SCIN: variants seen among roughly 807,000 people sequenced by gnomAD.
The protein encoded by SCIN is scinderin, also known as adseverin.
SCIN carries 91 observed loss-of-function variants against 91.8 expected under a neutral mutation model. That is an observed-to-expected ratio of 0.99 (90% CI 0.84 to 1.18). The LOEUF is 1.18. Ranked by LOEUF, SCIN falls within the 50% of genes most tolerant of loss-of-function variation. The pLI is 0.00. For synonymous variants in SCIN, 367 were observed against 312.6 expected (o/e 1.17, Z -1.84); for missense variants, 1,087 against 863.9 (o/e 1.26, Z -3.24).
At chr7:12,581,893 CTT>C (rs1782494954) in intron 3 of SCIN, among the ~76,000 whole-genome samples, 1 of 152,152 alleles carries the variant, frequency 6.6e-6, no homozygotes, top group South Asian at 2.1e-4. Flanking sequence ...GTCTTTAAAA[CTT>C]TGTGAAGTTT....
chr7:12,609,159 C>G (rs982683444), intron 4 of SCIN, among the ~76,000 whole-genome samples: 6 of 152,150 alleles, frequency 3.9e-5, no homozygotes, highest in Non-Finnish European at 8.8e-5. Context: ...GGAGATAGGA[C>G]ACAACCATCA....
chr7:12,630,451 C>G (rs975447091), intron 9 of SCIN, among the ~76,000 whole-genome samples: 2 of 152,180 alleles, frequency 1.3e-5, no homozygotes, highest in Non-Finnish European at 2.9e-5. Flanking sequence ...CTCATAAATC[C>G]AAATGCTGTC....
chr7:12,604,296 G>A (rs1025215329), intron 3 of SCIN, among the ~76,000 whole-genome samples: 2 of 151,904 alleles, frequency 1.3e-5, no homozygotes, highest in African/African-American at 4.8e-5. Flanking sequence ...AGAGAATGGT[G>A]ATATATATAT....
intron 4 of SCIN, among the ~76,000 whole-genome samples, chr7:12,620,359 A>G (rs1236195743): frequency 6.6e-6 from 1 of 151,932 alleles, no homozygotes; most frequent in African/African-American, 2.4e-5. Context: ...CATTTCCTCT[A>G]TTTTTCAGCC....
rs956645991 is a variant in SCIN at position 12,657,945 on chromosome 7, A to T, written c.*5230A>T. On this transcript the variant is annotated 3_prime_UTR_variant, in exon 16 of 16. Transcript: ENST00000297029. ...AAATTGATGCTTTAATTTAGTTAACATGACAAACTCCATCTTATTTAGAGA... is the reference window on the plus strand; with the variant it reads ...AAATTGATGCTTTAATTTAGTTAACTTGACAAACTCCATCTTATTTAGAGA... The T allele has an allele frequency of 5.9e-5, 9 of 152,154 alleles. No individual in the cohort carries two copies. Among genetic ancestry groups the T allele is most frequent in the African/African-American group, 2.2e-4 (9 of 41,436 alleles). The allele number at this position is 152,154 out of a possible 1,614,324, so 9.4% of individuals were successfully genotyped here.
chr7:12,592,642 C>A (rs1338499752), intron 3 of SCIN, among the ~76,000 whole-genome samples: 4 of 151,864 alleles, frequency 2.6e-5, no homozygotes, highest in African/African-American at 9.7e-5. Context: ...GAAGCTTTGA[C>A]TTTGGCTAAA....
At chr7:12,625,214 A>AT in intron 6 of SCIN, 72 bp downstream of exon 6, 1 of 1,304,242 alleles carries the variant, frequency 7.7e-7, no homozygotes, top group Non-Finnish European at 1.0e-6. Context: ...AATAAAATAT[A>AT]TTTTTTGATT....
At chr7:12,636,757 T>C (rs1171413397) in intron 10 of SCIN, among the ~76,000 whole-genome samples, 2 of 152,180 alleles carry the variant, frequency 1.3e-5, no homozygotes, top group African/African-American at 4.8e-5. Context: ...TTACATATTA[T>C]GTAGTTGCAA....
chr7:12,596,321 C>T (rs1427195677), intron 3 of SCIN: 2 of 455,662 alleles, frequency 4.4e-6, no homozygotes, highest in East Asian at 1.4e-4. Flanking sequence ...TCTTGCACAT[C>T]CCCAAGAAGT....
At chr7:12,640,227 C>G in intron 10 of SCIN, 120 bp from the exon 11 acceptor site, 1 of 844,502 alleles carries the variant, frequency 1.2e-6, no homozygotes. Context: ...TCCTCCTGCT[C>G]TTGACTTTTT....
intron 4 of SCIN, among the ~76,000 whole-genome samples, chr7:12,609,129 A>G (rs748901583): frequency 6.6e-6 from 1 of 152,182 alleles, no homozygotes; most frequent in Non-Finnish European, 1.5e-5. Flanking sequence ...AGCACATTGT[A>G]GAGTAAAAGG....
At chr7:12,576,080 C>T (rs1169718097) in intron 1 of SCIN, among the ~76,000 whole-genome samples, 1 of 152,168 alleles carries the variant, frequency 6.6e-6, no homozygotes, top group African/African-American at 2.4e-5. Flanking sequence ...AACCTGTAGT[C>T]AGGTAAGGAC....
At position 12,655,064 on chromosome 7, in the gene SCIN, C is replaced by A. The variant is rs1388973466; in HGVS notation, c.*2349C>A. 1 of 152,150 alleles carries A rather than the reference C, an allele frequency of 6.6e-6. No individual in the cohort carries two copies. The highest frequency in any genetic ancestry group is 1.5e-5 in the Non-Finnish European group (1 of 68,018). 9.4% of individuals were successfully genotyped at this position (152,150 alleles called of 1,614,324 possible). On this transcript the variant is annotated 3_prime_UTR_variant, in exon 16 of 16. Transcript: ENST00000297029. ...ATGGATACCAACATCCTTGAATGCTCAAGTCCCTTATATAAAACGGCATAG... is the reference window on the plus strand; with the variant it reads ...ATGGATACCAACATCCTTGAATGCTAAAGTCCCTTATATAAAACGGCATAG...
chr7:12,604,457 G>C (rs1186808909), intron 3 of SCIN, 57 bp from the exon 4 acceptor site: 1 of 1,468,604 alleles, frequency 6.8e-7, no homozygotes, highest in Non-Finnish European at 9.3e-7. Context: ...GTATTACACT[G>C]AGGCTGAATG....
At chr7:12,592,831 C>G (rs1782754584) in intron 3 of SCIN, among the ~76,000 whole-genome samples, 1 of 152,112 alleles carries the variant, frequency 6.6e-6, no homozygotes, top group Non-Finnish European at 1.5e-5. Context: ...TCAGGCAAAG[C>G]TGAGTAGGTG....
chr7:12,581,205 T>G lies in SCIN; in HGVS notation c.500T>G (p.Ile167Ser). 1 of 1,551,436 alleles carries G rather than the reference T, an allele frequency of 6.4e-7. No individual in the cohort carries two copies. Among genetic ancestry groups the G allele is most frequent in the Non-Finnish European group, 8.7e-7 (1 of 1,146,754 alleles). The change falls in exon 3 of 16, where the codon ATC becomes AGC. Residue 167 changes from isoleucine to serine, a missense_variant. By Grantham distance (142) the Ile-to-Ser change is moderately radical. Coordinates refer to ENST00000297029, the MANE Select transcript of SCIN (RefSeq NM_001112706.3). The part of the protein sequence containing the change: ...WDSFNKGDCF[I>S]IDLGTEIYQW... ...AGTTTCAACAAGGGTGACTGCTTCA[T>G]CATTGACCTTGGCACCGTAAGTTTC...
chr7:12,577,730 C>T, intron 1 of SCIN: 1 of 402,950 alleles, frequency 2.5e-6, no homozygotes, highest in Non-Finnish European at 4.7e-6. Context: ...GTGGCACGCA[C>T]CTGTAGTCCA....
intron 3 of SCIN, 57 bp from the exon 4 acceptor site, chr7:12,604,457 G>A: frequency 6.8e-7 from 1 of 1,468,722 alleles, no homozygotes; most frequent in Non-Finnish European, 9.3e-7. Flanking sequence ...GTATTACACT[G>A]AGGCTGAATG....
chr7:12,590,330 T>C (rs1331117329), intron 3 of SCIN, among the ~76,000 whole-genome samples: 1 of 151,956 alleles, frequency 6.6e-6, no homozygotes, highest in East Asian at 1.9e-4. Context: ...TCTGAGGGGA[T>C]GTGTAGGGAT....
Sources: allele counts gnomAD v4.1 joint callset (sites outside exome capture counted in the v4.1 genomes callset), GRCh38; gene constraint gnomAD v4.1.1; transcripts MANE v1.5; gene names NCBI Gene and HGNC (gene_info 2026-07-23, HGNC 2026-07-21).